SYNE1: variants seen among roughly 807,000 people sequenced by gnomAD.
SYNE1 encodes spectrin repeat containing nuclear envelope protein 1, also known as nesprin-1.
SYNE1 carries 616 observed loss-of-function variants against 1,111.0 expected under a neutral mutation model. The observed-to-expected ratio is 0.55, with a 90% CI of 0.52 to 0.59. SYNE1 has a LOEUF of 0.59. Ranked by LOEUF, SYNE1 falls within the 20% of genes least tolerant of loss-of-function variation. The pLI is 0.00. For missense variants in SYNE1, 10,006 were observed against 10,417.0 expected (o/e 0.96, Z 1.72); for synonymous variants, 3,855 against 3,825.8 (o/e 1.01, Z -0.28).
intron 130 of SYNE1, among the ~76,000 whole-genome samples, chr6:152,176,094 T>A (rs1162884438): frequency 6.6e-6 from 1 of 152,104 alleles, no homozygotes; most frequent in Non-Finnish European, 1.5e-5. Context: ...TGATAGGAGT[T>A]TGAATACCCA....
chr6:152,424,600 G>T (rs374787930), intron 39 of SYNE1, among the ~76,000 whole-genome samples: 1 of 152,048 alleles, frequency 6.6e-6, no homozygotes, highest in Non-Finnish European at 1.5e-5. Context: ...GGCTTTTGGT[G>T]TCTGATATGG....
At chr6:152,376,300 A>T in intron 58 of SYNE1, 81 bp downstream of exon 58, 1 of 1,514,276 alleles carries the variant, frequency 6.6e-7, no homozygotes, top group Non-Finnish European at 9.1e-7. Context: ...TCCGCGGCCC[A>T]GGAGATGGGG....
rs1481052530 is a variant in SYNE1, at chr6:152,381,538, C to T, written c.8653-176G>A. ...AAATTATAATAGCGGGAGTTGTCAT[C>T]ACGAGTGCCTAAGGCTTATGGCAAA... On this transcript the variant is annotated intron_variant, in intron 55 of 145. Transcript: ENST00000367255. 8.3e-5 allele frequency: 58 copies of T among 700,318 alleles called. 1 individual carries two copies. In the South Asian group the frequency reaches 9.2e-4, roughly 11 times the overall value. 43.4% of individuals were successfully genotyped at this position (700,318 alleles called of 1,614,324 possible).
chr6:152,345,460 A>G (rs558023257), intron 73 of SYNE1, among the ~76,000 whole-genome samples: 73 of 151,884 alleles, frequency 4.8e-4, no homozygotes, highest in Middle Eastern at 6.3e-3. Flanking sequence ...TTTTTTTTTA[A>G]GTCTAGGAAG....
chr6:152,156,241 T>C (rs1349723194), intron 131 of SYNE1, 144 bp from the exon 132 acceptor site: 2 of 978,636 alleles, frequency 2.0e-6, no homozygotes, highest in East Asian at 5.2e-5. Context: ...TTGAGCCTCA[T>C]TTATGAAATC....
At chr6:152,502,564 A>G (rs550013802) in intron 10 of SYNE1, 69 bp downstream of exon 10, 7 of 1,196,320 alleles carry the variant, frequency 5.9e-6, no homozygotes, top group South Asian at 2.5e-5. Flanking sequence ...TTTTGAGAAC[A>G]GTATACTCAA....
At chr6:152,631,921 T>C (rs2099698580) in intron 2 of SYNE1, among the ~76,000 whole-genome samples, 1 of 152,146 alleles carries the variant, frequency 6.6e-6, no homozygotes, top group African/African-American at 2.4e-5. Context: ...TCATTACCCC[T>C]TCACATCACC....
chr6:152,278,429 TAAGTA>T, intron 97 of SYNE1, 149 bp from the exon 98 acceptor site: 1 of 789,690 alleles, frequency 1.3e-6, no homozygotes. Flanking sequence ...CCTTGACGAG[TAAGTA>T]GTCTGTAGGC....
chr6:152,176,258 A>G, intron 130 of SYNE1, 136 bp downstream of exon 130: 1 of 1,210,768 alleles, frequency 8.3e-7, no homozygotes, highest in South Asian at 1.2e-5. Flanking sequence ...TGAGAGGAGC[A>G]TGAACAGTTT....
intron 3 of SYNE1, among the ~76,000 whole-genome samples, chr6:152,605,874 G>A (rs947976797): frequency 2.6e-5 from 4 of 151,868 alleles, no homozygotes; most frequent in African/African-American, 9.7e-5. Flanking sequence ...AGTATTGCTT[G>A]GTTTTAAATA....
intron 53 of SYNE1, among the ~76,000 whole-genome samples, chr6:152,389,301 C>T (rs1383913881): frequency 6.6e-6 from 1 of 152,090 alleles, no homozygotes; most frequent in Non-Finnish European, 1.5e-5. Flanking sequence ...TTTCATTGCC[C>T]ATGTACTAAG....
chr6:152,426,693 G>C lies in SYNE1; in HGVS notation c.5100+1000C>G, dbSNP rs117356067. Among the ~76,000 whole-genome samples, 83 of 152,368 alleles carry C rather than the reference G, an allele frequency of 5.4e-4. No homozygotes were observed. The East Asian group carries it at 0.015, about 28-fold the overall frequency. The stretch of plus-strand genomic sequence containing the variant: ...AGACAGGAACCAGATTGTAGATCAG[G>C]ATTGCCCTTTATGGTCAGGGCGGGA... On this transcript the variant is annotated intron_variant, in intron 38 of 145. Coordinates refer to ENST00000367255, the MANE Select transcript of SYNE1 (RefSeq NM_182961.4).
chr6:152,203,529 T>C (rs916207727), intron 126 of SYNE1, among the ~76,000 whole-genome samples: 1 of 152,226 alleles, frequency 6.6e-6, no homozygotes, highest in African/African-American at 2.4e-5. Flanking sequence ...GAATCACTTT[T>C]AGTTGTCAAT....
intron 13 of SYNE1, among the ~76,000 whole-genome samples, chr6:152,484,038 C>CAAA (rs773019397): frequency 2.5e-3 from 132 of 51,970 alleles, no homozygotes; most frequent in Admixed American, 3.1e-3. Context: ...CTCATCTCTA[C>CAAA]AAAAAAAAAA....
intron 8 of SYNE1, among the ~76,000 whole-genome samples, chr6:152,509,229 C>G (rs1463167153): frequency 6.9e-6 from 1 of 145,426 alleles, no homozygotes; most frequent in Non-Finnish European, 1.5e-5. Flanking sequence ...TGAGAGCACT[C>G]TTTTTCTTTT....
chr6:152,241,499 G>GCT (rs2085645289), intron 107 of SYNE1, among the ~76,000 whole-genome samples: 1 of 10,452 alleles, frequency 9.6e-5, no homozygotes, highest in South Asian at 3.5e-3. Flanking sequence ...TAATGCAAGA[G>GCT]CTGTGTGTGT....
chr6:152,138,793 T>C (rs1216273171), intron 140 of SYNE1, among the ~76,000 whole-genome samples: 2 of 152,158 alleles, frequency 1.3e-5, no homozygotes, highest in African/African-American at 4.8e-5. Flanking sequence ...GTTCATGAGA[T>C]GCTCACAATA....
chr6:152,274,678 C>T (rs2093460920), intron 98 of SYNE1, among the ~76,000 whole-genome samples: 1 of 152,116 alleles, frequency 6.6e-6, no homozygotes, highest in South Asian at 2.1e-4. Flanking sequence ...CTCACTGCAA[C>T]CTCTGCCTCC....
rs759383773 is a variant in SYNE1 at position 152,442,274 on chromosome 6, T to A, written c.3838-29A>T. ...GAAGCATTTATTCAACAGATGGATA[T>A]AAATTGTGCTCTCTAAACAGCTAAG... On this transcript the variant is annotated intron_variant, in intron 30 of 145. Transcript: ENST00000367255. The A allele has an allele frequency of 2.5e-6, 4 of 1,610,542 alleles. No homozygotes were observed. In the African/African-American group the frequency reaches 5.3e-5, roughly 21 times the overall value.
Sources: gnomAD v4.1 joint callset for allele counts (sites outside exome capture counted in the v4.1 genomes callset) on GRCh38, gnomAD v4.1.1 for gene constraint, MANE v1.5 for transcripts, NCBI Gene and HGNC (gene_info 2026-07-23, HGNC 2026-07-21) for gene names.